Variants in COL18A1 observed in about 807,000 individuals in gnomAD.
COL18A1 encodes the protein collagen type XVIII alpha 1 chain.
Under a neutral mutation model 168.0 loss-of-function variants are expected in COL18A1, and 133 were observed. That is an observed-to-expected ratio of 0.79 (90% CI 0.69 to 0.91). The LOEUF is 0.91. Ranked by LOEUF, COL18A1 falls within the 40% of genes least tolerant of loss-of-function variation. The probability of loss-of-function intolerance (pLI) is 0.00; values close to 1 mark genes in which losing one functional copy is unlikely to be tolerated. For missense variants in COL18A1, 2,126 were observed against 1,925.4 expected (o/e 1.10, Z -1.95); for synonymous variants, 949 against 809.0 (o/e 1.17, Z -2.94).
chr21:45,488,378 C>G, intron 17 of COL18A1, 40 bp from the exon 18 acceptor site: 1 of 1,613,578 alleles, frequency 6.2e-7, no homozygotes, highest in Non-Finnish European at 8.5e-7. Context: ...ACAGCAGGGC[C>G]TCCAGCTGCA....
At chr21:45,477,601 G>A (rs2035723777) in intron 7 of COL18A1, 114 bp downstream of exon 7, 1 of 1,297,330 alleles carries the variant, frequency 7.7e-7, no homozygotes, top group Admixed American at 2.0e-5. Context: ...CCTCCTTTGT[G>A]CCCAGCACTC....
chr21:45,452,549 T>C (rs1333115870), intron 2 of COL18A1, among the ~76,000 whole-genome samples: 1 of 152,132 alleles, frequency 6.6e-6, no homozygotes, highest in Non-Finnish European at 1.5e-5. Flanking sequence ...TGTGTATGCA[T>C]GTGAGCATTC....
At position 45,443,505 on chromosome 21, in the gene COL18A1, G is replaced by A. The variant is rs2034436788; in HGVS notation, c.107-24737G>A. The stretch of plus-strand genomic sequence containing the variant: ...GATGCTTTGCCACTGGCCACCCAGA[G>A]CTAGGAGCCTCGGCCAAGGGCTCCC... On this transcript the variant is annotated intron_variant, in intron 2 of 41. Coordinates refer to ENST00000651438, the MANE Select transcript of COL18A1 (RefSeq NM_001379500.1). This position sits in a 1 kb window ranked among gnomAD's most constrained non-coding sequence, Gnocchi z 5.2. Among the ~76,000 whole-genome samples the A allele has an allele frequency of 6.6e-6, 1 of 152,178 alleles. No homozygotes were observed. Among genetic ancestry groups the A allele is most frequent in the African/African-American group, 2.4e-5 (1 of 41,452 alleles).
Position 45,505,971 on chromosome 21 carries a change from G to A in COL18A1, c.3216+5G>A, listed in dbSNP as rs762799399. The A allele has an allele frequency of 1.9e-6, 3 of 1,613,100 alleles. No individual in the cohort carries two copies. Among genetic ancestry groups the A allele is most frequent in the Middle Eastern group, 1.7e-4 (1 of 6,056 alleles). ...AACGGGTTCCGGAAGGTCCAGGTGA[G>A]CGCTCTGTGTGACGGGTTCTGGACC... On this transcript the variant is annotated splice_donor_5th_base_variant and intron_variant, in intron 37 of 41. Transcript: ENST00000651438.
intron 2 of COL18A1, chr21:45,407,674 A>T (rs1206522815): frequency 1.3e-5 from 2 of 152,314 alleles, no homozygotes; most frequent in East Asian, 1.9e-4. Flanking sequence ...TGGCCACGCC[A>T]GGAGCCTGGT....
At chr21:45,414,141 T>C (rs2033377500) in intron 2 of COL18A1, among the ~76,000 whole-genome samples, 1 of 152,096 alleles carries the variant, frequency 6.6e-6, no homozygotes, top group Non-Finnish European at 1.5e-5. Context: ...CCCAGCCTTG[T>C]GGCTCTGGCC....
chr21:45,503,168 C>CTAGTT (rs1158369255), intron 32 of COL18A1, among the ~76,000 whole-genome samples: 1 of 152,166 alleles, frequency 6.6e-6, no homozygotes, highest in Non-Finnish European at 1.5e-5. Flanking sequence ...AATGGTTGAA[C>CTAGTT]TAGTTTACAG....
chr21:45,494,248 T>TTCCCCC, intron 26 of COL18A1: 1 of 472,546 alleles, frequency 2.1e-6, no homozygotes, highest in Non-Finnish European at 3.9e-6. Flanking sequence ...GCACATGCCC[T>TTCCCCC]CCACCCTCCA....
At chr21:45,407,229 G>T (rs2033144883) in intron 2 of COL18A1, among the ~76,000 whole-genome samples, 1 of 152,272 alleles carries the variant, frequency 6.6e-6, no homozygotes, top group Non-Finnish European at 1.5e-5. Flanking sequence ...CTGAAATGCT[G>T]ACTCTGGCGA....
intron 38 of COL18A1, among the ~76,000 whole-genome samples, chr21:45,508,267 AGTGGATGGGTAGGTAGATGGGGAG>A (rs1423123542): frequency 3.1e-5 from 4 of 127,210 alleles, no homozygotes; most frequent in East Asian, 2.4e-4. Context: ...CAGGTGGGTG[AGTGGATGGGTAGGTAGATGGGGAG>A]GTGGATGGGT....
chr21:45,503,356 G>C (rs2036968955), intron 32 of COL18A1, among the ~76,000 whole-genome samples: 1 of 151,958 alleles, frequency 6.6e-6, no homozygotes, highest in African/African-American at 2.4e-5. Context: ...TTTTTTGGCT[G>C]CATAAATGTC....
chr21:45,482,513 T>C, intron 14 of COL18A1: 1 of 596,862 alleles, frequency 1.7e-6, no homozygotes, highest in Non-Finnish European at 3.0e-6. Context: ...GTGGCTGAGC[T>C]GAAGGGCCCT....
chr21:45,407,093 C>G (rs180692113), intron 2 of COL18A1, among the ~76,000 whole-genome samples: 1 of 152,216 alleles, frequency 6.6e-6, no homozygotes, highest in Non-Finnish European at 1.5e-5. Context: ...ACCCCTCCCC[C>G]AGCCCGGAGA....
intron 15 of COL18A1, among the ~76,000 whole-genome samples, chr21:45,485,038 A>G (rs1321067963): frequency 1.3e-5 from 2 of 151,798 alleles, no homozygotes; most frequent in Non-Finnish European, 2.9e-5. Flanking sequence ...GAGTCTCCGC[A>G]GTGGTGCAGT....
At chr21:45,458,692 C>T (rs1021719924) in intron 2 of COL18A1, among the ~76,000 whole-genome samples, 1 of 152,216 alleles carries the variant, frequency 6.6e-6, no homozygotes, top group African/African-American at 2.4e-5. Context: ...GGCTCCAGCA[C>T]AGCCCACCTT....
At chr21:45,460,810 A>G (rs1002776703) in intron 2 of COL18A1, among the ~76,000 whole-genome samples, 4 of 152,160 alleles carry the variant, frequency 2.6e-5, no homozygotes, top group African/African-American at 4.8e-5. Flanking sequence ...TAAATTCTCC[A>G]TGCCTCTTAG....
At position 45,510,977 on chromosome 21, in the gene COL18A1, C is replaced by CT; in HGVS notation, c.3694-134_3694-133insT. On this transcript the variant is annotated intron_variant, in intron 40 of 41. Coordinates refer to ENST00000651438, the MANE Select transcript of COL18A1 (RefSeq NM_001379500.1). Reference sequence around the variant, plus strand: ...ACACCCCACATACACCCCCAAACACCCCCCACACCCCACACACACAACACA... The same window carrying CT: ...ACACCCCACATACACCCCCAAACACCTCCCCACACCCCACACACACAACACA... 6 of 11,988 alleles carry CT rather than the reference C, an allele frequency of 5.0e-4. 3 individuals carry two copies. The highest frequency in any genetic ancestry group is 5.7e-4 in the Non-Finnish European group (4 of 7,048). The allele number at this position is 11,988 out of a possible 1,614,324, so 0.7% of individuals were successfully genotyped here.
chr21:45,483,406 C>T (rs969408171), intron 15 of COL18A1, among the ~76,000 whole-genome samples: 1 of 152,180 alleles, frequency 6.6e-6, no homozygotes, highest in African/African-American at 2.4e-5. Flanking sequence ...ACCCAGCCTT[C>T]CTTCGGGCAG....
chr21:45,459,515 C>G (rs1283122314), intron 2 of COL18A1, among the ~76,000 whole-genome samples: 1 of 152,236 alleles, frequency 6.6e-6, no homozygotes, highest in Admixed American at 6.5e-5. Flanking sequence ...TCCACCTCGT[C>G]CTGGGCACTG....
Sources: gnomAD v4.1 joint callset for allele counts (sites outside exome capture counted in the v4.1 genomes callset) on GRCh38, gnomAD v4.1.1 for gene constraint, Gnocchi (gnomAD v3.1) non-coding constraint, MANE v1.5 for transcripts, NCBI Gene and HGNC (gene_info 2026-07-23, HGNC 2026-07-21) for gene names.